MDFIC2: variants seen among roughly 807,000 people sequenced by gnomAD.
MDFIC2 encodes myoD family inhibitor domain-containing protein 2.
intron 3 of MDFIC2, among the ~76,000 whole-genome samples, chr3:70,200,083 A>G (rs1701223432): frequency 6.6e-6 from 1 of 152,044 alleles, no homozygotes; most frequent in South Asian, 2.1e-4. Flanking sequence ...CATGCAATTC[A>G]TTGCTGAGTC....
chr3:70,216,142 AT>A (rs1701409553), intron 2 of MDFIC2, among the ~76,000 whole-genome samples: 9 of 151,572 alleles, frequency 5.9e-5, no homozygotes, highest in Non-Finnish European at 8.8e-5. Flanking sequence ...ATAGATGTAT[AT>A]GTATATATCT....
Position 70,206,576 on chromosome 3 carries a change from G to A in MDFIC2, c.303C>T (p.Asp101=). The A allele has an allele frequency of 2.5e-6, 1 of 397,710 alleles. No individual in the cohort carries two copies. The highest frequency in any genetic ancestry group is 3.6e-5 in the East Asian group (1 of 28,028). The allele number at this position is 397,710 out of a possible 1,614,324, so 24.6% of individuals were successfully genotyped here. ...GAATTCTGAGAAACATACCATCAGT[G>A]TCTCTGTGATGAACTGAAGTATCAG... ...LQTDTSVHHR[D]TDEECASLIL... The change falls in exon 3 of 4, where the codon GAC becomes GAT. Residue 101 remains aspartate, a synonymous_variant. Coordinates refer to ENST00000567252, the MANE Select transcript of MDFIC2 (RefSeq NM_001364677.1).
intron 2 of MDFIC2, among the ~76,000 whole-genome samples, chr3:70,235,561 A>G (rs1003965692): frequency 1.3e-5 from 2 of 152,120 alleles, no homozygotes; most frequent in African/African-American, 2.4e-5. Context: ...TCCTTGACAC[A>G]TGGTCAGTCA....
intron 2 of MDFIC2, among the ~76,000 whole-genome samples, chr3:70,217,950 C>T (rs927172379): frequency 2.0e-5 from 3 of 152,020 alleles, no homozygotes; most frequent in African/African-American, 7.2e-5. Context: ...TATACAGAGG[C>T]CTTGGAGAGG....
intron 2 of MDFIC2, chr3:70,249,662 AC>A (rs1355017887): frequency 1.3e-5 from 2 of 152,140 alleles, no homozygotes; most frequent in African/African-American, 4.8e-5. Flanking sequence ...ATTCCACAGT[AC>A]CAGCACAGTG....
intron 2 of MDFIC2, among the ~76,000 whole-genome samples, chr3:70,215,404 C>T (rs771764053): frequency 6.6e-6 from 1 of 152,128 alleles, no homozygotes; most frequent in Non-Finnish European, 1.5e-5. Context: ...TTTGTCCCTT[C>T]TGACTTACCC....
rs1384535754 is a variant in MDFIC2 at position 70,206,553 on chromosome 3, A to C, written c.310+16T>G. 2.8e-5 allele frequency: 11 copies of C among 397,388 alleles called. No individual in the cohort carries two copies. Among genetic ancestry groups the C allele is most frequent in the Non-Finnish European group, 4.9e-5 (11 of 225,300 alleles). 24.6% of individuals were successfully genotyped at this position (397,388 alleles called of 1,614,324 possible). A position where few individuals can be genotyped will look rare whatever the true frequency, so the allele number is the denominator to read the frequency against. ...GGAGCTTTATTTAGAGATGGGTTGA[A>C]TTCTGAGAAACATACCATCAGTGTC... On this transcript the variant is annotated intron_variant, in intron 3 of 3. Coordinates refer to ENST00000567252, the MANE Select transcript of MDFIC2 (RefSeq NM_001364677.1).
chr3:70,286,632 C>G (rs1702166935), intron 2 of MDFIC2, among the ~76,000 whole-genome samples: 1 of 151,946 alleles, frequency 6.6e-6, no homozygotes. Context: ...GGCATTGAAT[C>G]TGTAAATTAC....
At chr3:70,243,634 TCCCTAGCC>T (rs1356440475) in intron 2 of MDFIC2, among the ~76,000 whole-genome samples, 1 of 152,172 alleles carries the variant, frequency 6.6e-6, no homozygotes, top group Non-Finnish European at 1.5e-5. Context: ...GGTGGCAGCG[TCCCTAGCC>T]TCTACCCACT....
intron 1 of MDFIC2, among the ~76,000 whole-genome samples, chr3:70,312,328 A>G (rs1422273452): frequency 1.3e-5 from 2 of 152,222 alleles, no homozygotes; most frequent in Admixed American, 6.5e-5. Flanking sequence ...ATAGAAAAGC[A>G]TGCTGCAAAG....
intron 3 of MDFIC2, among the ~76,000 whole-genome samples, chr3:70,200,843 A>G (rs1701230000): frequency 6.6e-6 from 1 of 152,004 alleles, no homozygotes; most frequent in South Asian, 2.1e-4. Flanking sequence ...CAACTGTAAG[A>G]TCGTAGAGCA....
intron 2 of MDFIC2, among the ~76,000 whole-genome samples, chr3:70,245,964 A>G (rs773574613): frequency 5.3e-5 from 8 of 151,294 alleles, no homozygotes; most frequent in Non-Finnish European, 1.2e-4. Flanking sequence ...TGTTCTTTTG[A>G]TATGGTAGGG....
At chr3:70,249,622 T>G (rs60142787) in intron 2 of MDFIC2, 36,591 of 151,924 alleles carry the variant, frequency 0.24, 4,940 homozygotes, top group South Asian at 0.37. Flanking sequence ...TGGAAAGAAA[T>G]GTAATGTTTT....
chr3:70,257,968 A>C (rs1701832181), intron 2 of MDFIC2, among the ~76,000 whole-genome samples: 2 of 152,218 alleles, frequency 1.3e-5, no homozygotes, highest in South Asian at 4.1e-4. Context: ...TTCGGAAATA[A>C]AGCTATGTAA....
At chr3:70,203,151 T>G (rs1701257894) in intron 3 of MDFIC2, among the ~76,000 whole-genome samples, 1 of 151,892 alleles carries the variant, frequency 6.6e-6, no homozygotes, top group African/African-American at 2.4e-5. Context: ...CAAATCACAA[T>G]CCCTCCTCAT....
intron 2 of MDFIC2, among the ~76,000 whole-genome samples, chr3:70,254,248 T>G (rs1315199551): frequency 1.3e-5 from 2 of 152,206 alleles, no homozygotes; most frequent in African/African-American, 4.8e-5. Context: ...CTGTTAAGTT[T>G]AATGGATAAA....
chr3:70,208,899 C>T (rs574374607), intron 2 of MDFIC2, among the ~76,000 whole-genome samples: 162 of 152,120 alleles, frequency 1.1e-3, no homozygotes, highest in African/African-American at 3.8e-3. Context: ...GTGGTTTCAT[C>T]CACCATAAAA....
intron 2 of MDFIC2, among the ~76,000 whole-genome samples, chr3:70,300,480 T>C (rs1049538297): frequency 7.2e-5 from 11 of 152,014 alleles, no homozygotes; most frequent in African/African-American, 2.7e-4. Flanking sequence ...GAGTTAGATA[T>C]GTGTATTTTT....
chr3:70,306,905 C>T (rs1304296354), intron 2 of MDFIC2, among the ~76,000 whole-genome samples: 2 of 151,888 alleles, frequency 1.3e-5, no homozygotes, highest in Non-Finnish European at 2.9e-5. Context: ...TATGTATATG[C>T]ATATATATGT....
Sources: gnomAD v4.1 joint callset for allele counts (sites outside exome capture counted in the v4.1 genomes callset) on GRCh38, gnomAD v4.1.1 for gene constraint, MANE v1.5 for transcripts, NCBI Gene and HGNC (gene_info 2026-07-23, HGNC 2026-07-21) for gene names.